The following CDR2 variants were observed in gnomAD, a reference collection of about 807,000 sequenced individuals.
The protein encoded by CDR2 is cerebellar degeneration-related protein 2.
Under a neutral mutation model 48.4 loss-of-function variants are expected in CDR2, and 34 were observed. The ratio of observed to expected loss-of-function variants is 0.70; its 90% confidence interval spans 0.53 to 0.94. The LOEUF (loss-of-function observed/expected upper bound fraction) is 0.94. Ranked by LOEUF, CDR2 falls within the 40% of genes least tolerant of loss-of-function variation. The pLI is 0.00. For missense variants in CDR2, 498 were observed against 549.5 expected (o/e 0.91, Z 0.94); for synonymous variants, 240 against 219.7 (o/e 1.09, Z -0.82).
At chr16:22,374,185 T>C in intron 1 of CDR2, 46 bp downstream of exon 1, 1 of 1,330,724 alleles carries the variant, frequency 7.5e-7, no homozygotes, top group Non-Finnish European at 1.1e-6. Context: ...AGCGGGGGCC[T>C]CCCGGGCCAG....
At chr16:22,371,609 A>T (rs1204816946) in intron 1 of CDR2, among the ~76,000 whole-genome samples, 1 of 152,246 alleles carries the variant, frequency 6.6e-6, no homozygotes, top group Non-Finnish European at 1.5e-5. Flanking sequence ...ATCTGTTAAA[A>T]GTTTAGGAGT....
intron 1 of CDR2, among the ~76,000 whole-genome samples, chr16:22,372,487 A>G (rs2049085084): frequency 6.6e-6 from 1 of 152,178 alleles, no homozygotes. Flanking sequence ...TGCCCCCTCT[A>G]TGCCCTTAAA....
At chr16:22,358,908 G>T (rs2048993742) in intron 2 of CDR2, among the ~76,000 whole-genome samples, 1 of 152,024 alleles carries the variant, frequency 6.6e-6, no homozygotes, top group Non-Finnish European at 1.5e-5. Context: ...GTTCTTTCAT[G>T]ACTATAGTTA....
At position 22,349,363 on chromosome 16, in the gene CDR2, T is replaced by C; in HGVS notation, c.422A>G (p.Gln141Arg). 6.2e-7 allele frequency: 1 copy of C among 1,614,196 alleles called. No homozygotes were observed. The change falls in exon 4 of 5, where the codon CAA becomes CGA. Residue 141 changes from glutamine to arginine, a missense_variant. By Grantham distance (43) the Gln-to-Arg change is conservative (BLOSUM62 1). Coordinates refer to ENST00000268383, the MANE Select transcript of CDR2 (RefSeq NM_001802.2). ...SQVEELKSSG[Q>R]GRRSPGKCDQ... ...ACACTTTCCCGGGCTCCTTCTCCCT[T>C]GGCCAGATGACTTCAGCTCCTCCAC...
At chr16:22,351,767 C>T (rs1195661521) in intron 2 of CDR2, among the ~76,000 whole-genome samples, 1 of 152,172 alleles carries the variant, frequency 6.6e-6, no homozygotes. Context: ...TAATCCCAAC[C>T]TTAATGCCGC....
Position 22,349,707 on chromosome 16 carries a change from ATC to A in CDR2, c.333_334del (p.Lys111AsnfsTer6), listed in dbSNP as rs1567343854. ...CAGATTCTAGAAAATTTACCTCAGA[ATC>A]TTTTGCTGTGAGGCCTTGCTGTCAG... On this transcript the variant is annotated frameshift_variant, in exon 3 of 5. Transcript: ENST00000268383. LOFTEE classifies it high-confidence loss of function. 6.2e-7 allele frequency: 1 copy of A among 1,613,848 alleles called. No individual in the cohort carries two copies. The highest frequency in any genetic ancestry group is 1.1e-5 in the South Asian group (1 of 91,062).
chr16:22,353,251 G>A (rs1402037565), intron 2 of CDR2, among the ~76,000 whole-genome samples: 1 of 152,202 alleles, frequency 6.6e-6, no homozygotes, highest in African/African-American at 2.4e-5. Flanking sequence ...CAAAGGGCAT[G>A]TGAAAGGCCG....
At chr16:22,371,846 ATATGTGTGTG>A (rs901956830) in intron 1 of CDR2, among the ~76,000 whole-genome samples, 12 of 78,882 alleles carry the variant, frequency 1.5e-4, no homozygotes, top group South Asian at 5.9e-4. Context: ...AGAGGTTCAG[ATATGTGTGTG>A]TGTGTGTGTG....
chr16:22,352,423 A>G (rs1407791616), intron 2 of CDR2, among the ~76,000 whole-genome samples: 1 of 152,094 alleles, frequency 6.6e-6, no homozygotes, highest in East Asian at 1.9e-4. Context: ...AGTTGAACAA[A>G]CACTTAACCT....
At position 22,374,221 on chromosome 16, in the gene CDR2, C is replaced by G; in HGVS notation, c.79+10G>C. On this transcript the variant is annotated intron_variant, in intron 1 of 4. Transcript: ENST00000268383. ...GCCGCCGCCCGCCCGCGGGGCGCCCCCGCCCTCACCTTGCTGGAGGTCCTG... is the reference window on the plus strand; with the variant it reads ...GCCGCCGCCCGCCCGCGGGGCGCCCGCGCCCTCACCTTGCTGGAGGTCCTG... 6.3e-7 allele frequency: 1 copy of G among 1,580,934 alleles called. No individual in the cohort carries two copies. The highest frequency in any genetic ancestry group is 1.7e-5 in the Admixed American group (1 of 57,466).
chr16:22,349,555 G>A (rs1598290558), intron 3 of CDR2, 112 bp from the exon 4 acceptor site: 2 of 1,413,396 alleles, frequency 1.4e-6, no homozygotes, highest in East Asian at 4.6e-5. Context: ...AATTGGAAAG[G>A]ATGTCTATTT....
chr16:22,364,875 G>T, intron 2 of CDR2, 27 bp downstream of exon 2: 1 of 1,358,356 alleles, frequency 7.4e-7, no homozygotes, highest in Non-Finnish European at 1.1e-6. Flanking sequence ...AGTGTCAAAA[G>T]TGTAACTCTC....
At position 22,345,945 on chromosome 16, in the gene CDR2, A is replaced by G. The variant is rs1210718170; in HGVS notation, c.*1020T>C. 6.5e-6 allele frequency: 1 copy of G among 152,690 alleles called. No individual in the cohort carries two copies. The highest frequency in any genetic ancestry group is 1.9e-4 in the East Asian group (1 of 5,206). The allele number at this position is 152,690 out of a possible 1,614,324, so 9.5% of individuals were successfully genotyped here. A position where few individuals can be genotyped will look rare whatever the true frequency, so the allele number is the denominator to read the frequency against. ...GACACAGATCCATCTGTTCATTTTCATAGGTAGCTTTATTTGGTTTTTAGA... is the reference window on the plus strand; with the variant it reads ...GACACAGATCCATCTGTTCATTTTCGTAGGTAGCTTTATTTGGTTTTTAGA... On this transcript the variant is annotated 3_prime_UTR_variant, in exon 5 of 5. Coordinates refer to ENST00000268383, the MANE Select transcript of CDR2 (RefSeq NM_001802.2).
At chr16:22,372,353 T>C (rs993373417) in intron 1 of CDR2, among the ~76,000 whole-genome samples, 5 of 152,174 alleles carry the variant, frequency 3.3e-5, no homozygotes, top group African/African-American at 9.7e-5. Flanking sequence ...AGGCACCTGA[T>C]GGAAGAGAGC....
intron 2 of CDR2, among the ~76,000 whole-genome samples, chr16:22,362,501 G>A (rs913660402): frequency 2.0e-5 from 3 of 152,292 alleles, no homozygotes; most frequent in East Asian, 1.9e-4. Context: ...GCTAAAATAA[G>A]TACCAGTTAT....
chr16:22,362,305 T>C (rs188830786), intron 2 of CDR2, among the ~76,000 whole-genome samples: 1 of 152,368 alleles, frequency 6.6e-6, no homozygotes, highest in East Asian at 1.9e-4. Flanking sequence ...GTGTTATTTG[T>C]AGATTTAGAG....
chr16:22,371,021 G>T (rs2049072095), intron 1 of CDR2, among the ~76,000 whole-genome samples: 1 of 152,120 alleles, frequency 6.6e-6, no homozygotes, highest in Non-Finnish European at 1.5e-5. Flanking sequence ...GACCATCCTG[G>T]CTAACATGGG....
Position 22,347,032 on chromosome 16 carries a change from A to C in CDR2, c.1298T>G (p.Ile433Ser). The stretch of plus-strand genomic sequence containing the variant: ...ATCTATTTCCTGCTTAGTTTTCTTG[A>C]TGCAACTAAAGATCTCCTTAAACAA... ...KALFKEIFSC[I>S]KKTKQEIDEQ... is the part of the protein sequence containing the mutation. Residue 433 changes from isoleucine (I) to serine (S), a missense_variant, in exon 5 of 5, where the codon ATC becomes AGC. Ile to Ser is a moderately radical substitution (Grantham distance 142, BLOSUM62 -2). Coordinates refer to ENST00000268383, the MANE Select transcript of CDR2 (RefSeq NM_001802.2). 6.2e-7 allele frequency: 1 copy of C among 1,614,126 alleles called. No homozygotes were observed. Among genetic ancestry groups the C allele is most frequent in the South Asian group, 1.1e-5 (1 of 91,090 alleles).
At chr16:22,363,790 G>A (rs12596007) in intron 2 of CDR2, among the ~76,000 whole-genome samples, 4,818 of 152,190 alleles carry the variant, frequency 0.032, 170 homozygotes, top group East Asian at 0.11. Flanking sequence ...GTTAATATCC[G>A]TGATTATCTT....
Sources: gnomAD v4.1 joint callset for allele counts (sites outside exome capture counted in the v4.1 genomes callset) on GRCh38, gnomAD v4.1.1 for gene constraint, MANE v1.5 for transcripts, NCBI Gene and HGNC (gene_info 2026-07-23, HGNC 2026-07-21) for gene names.